Variants in BACH2 observed in about 807,000 individuals in gnomAD.
BACH2 encodes the protein transcription regulator protein BACH2.
In BACH2, 5 loss-of-function variants were observed where a neutral mutation model predicts 61.8. That is an observed-to-expected ratio of 0.08 (90% CI 0.04 to 0.17). The LOEUF (loss-of-function observed/expected upper bound fraction) is 0.17. Ranked by LOEUF, BACH2 falls within the 10% of genes least tolerant of loss-of-function variation. BACH2 has a pLI of 1.00. For missense variants in BACH2, 824 were observed against 1,091.1 expected (o/e 0.76, Z 3.45); for synonymous variants, 446 against 440.1 (o/e 1.01, Z -0.17).
intron 4 of BACH2, among the ~76,000 whole-genome samples, chr6:90,091,060 A>G (rs891352730): frequency 6.6e-6 from 1 of 152,158 alleles, no homozygotes; most frequent in African/African-American, 2.4e-5. Context: ...CAAGTTTGAA[A>G]GTATGTGCCC....
At chr6:90,060,428 C>A (rs933434426) in intron 5 of BACH2, among the ~76,000 whole-genome samples, 14 of 152,060 alleles carry the variant, frequency 9.2e-5, no homozygotes, top group African/African-American at 3.4e-4. Flanking sequence ...AAAAGCTTAT[C>A]CACTAAATTT....
chr6:89,970,134 G>A lies in BACH2; in HGVS notation c.244-18272C>T, dbSNP rs149565284. 2.9e-4 allele frequency among the ~76,000 whole-genome samples: 44 copies of A among 152,358 alleles called. No homozygotes were observed. The East Asian group carries it at 8.5e-3, about 29-fold the overall frequency. On this transcript the variant is annotated intron_variant, in intron 6 of 8. Coordinates refer to ENST00000257749, the MANE Select transcript of BACH2 (RefSeq NM_021813.4). Reference sequence around the variant, plus strand: ...AAGTGTCTAAAAGCAACTCCAACAGGAGAAAGAAGGTGGGCAGGGTCAGAG... The same window carrying A: ...AAGTGTCTAAAAGCAACTCCAACAGAAGAAAGAAGGTGGGCAGGGTCAGAG...
chr6:90,249,562 G>T (rs1770741131), intron 3 of BACH2, among the ~76,000 whole-genome samples: 1 of 152,120 alleles, frequency 6.6e-6, no homozygotes, highest in Non-Finnish European at 1.5e-5. Flanking sequence ...CTCGAGTCCA[G>T]GAGTTCGAGA....
chr6:90,107,136 G>T (rs1024692745), intron 4 of BACH2, among the ~76,000 whole-genome samples: 2 of 152,174 alleles, frequency 1.3e-5, no homozygotes, highest in African/African-American at 2.4e-5. Flanking sequence ...CACTTTGGGA[G>T]GCCGAGGCGG....
intron 4 of BACH2, among the ~76,000 whole-genome samples, chr6:90,113,985 T>C (rs1167405130): frequency 6.6e-6 from 1 of 152,134 alleles, no homozygotes; most frequent in Non-Finnish European, 1.5e-5. Context: ...ATTGATTCCC[T>C]GAACAGACCA....
At chr6:90,250,490 GTTCATTCATTCATTCA>G (rs369196000) in intron 3 of BACH2, among the ~76,000 whole-genome samples, 3 of 152,012 alleles carry the variant, frequency 2.0e-5, no homozygotes, top group Non-Finnish European at 2.9e-5. Flanking sequence ...AAGCCTCACT[GTTCATTCATTCATTCA>G]TTCATTCATT....
At chr6:90,207,682 A>AT (rs1467645369) in intron 3 of BACH2, among the ~76,000 whole-genome samples, 5 of 152,048 alleles carry the variant, frequency 3.3e-5, no homozygotes, top group Non-Finnish European at 5.9e-5. Context: ...AAAATATACT[A>AT]TTTTTAATTA....
intron 6 of BACH2, among the ~76,000 whole-genome samples, chr6:89,997,180 T>A (rs1776897243): frequency 6.6e-6 from 1 of 152,176 alleles, no homozygotes; most frequent in Admixed American, 6.5e-5. Context: ...GAATGAGACA[T>A]CTGGTCAACA....
chr6:89,939,832 T>A (rs1773307276), intron 7 of BACH2, among the ~76,000 whole-genome samples: 2 of 142,350 alleles, frequency 1.4e-5, no homozygotes, highest in African/African-American at 5.2e-5. Flanking sequence ...AATTTTTTTT[T>A]TTTTTTTTTT....
intron 1 of BACH2, among the ~76,000 whole-genome samples, chr6:90,292,421 C>A (rs1372663541): frequency 6.6e-6 from 1 of 152,186 alleles, no homozygotes; most frequent in African/African-American, 2.4e-5. Flanking sequence ...AGCCAAGTTA[C>A]CCCATCTGGT....
chr6:90,283,018 T>C (rs1158017400), intron 1 of BACH2, among the ~76,000 whole-genome samples: 1 of 152,248 alleles, frequency 6.6e-6, no homozygotes, highest in Non-Finnish European at 1.5e-5. Context: ...TTACATGGTA[T>C]TGTCAGGTTT....
At chr6:90,248,085 G>A (rs531394835) in intron 3 of BACH2, among the ~76,000 whole-genome samples, 5 of 152,066 alleles carry the variant, frequency 3.3e-5, no homozygotes, top group Non-Finnish European at 5.9e-5. Flanking sequence ...TCCTCATTGT[G>A]TCTCTTTGCT....
intron 2 of BACH2, among the ~76,000 whole-genome samples, chr6:90,258,965 C>T (rs1252226110): frequency 6.6e-6 from 1 of 152,200 alleles, no homozygotes; most frequent in Non-Finnish European, 1.5e-5. Flanking sequence ...TGTGTGGAAT[C>T]TGCAGGGGCT....
At chr6:89,983,222 T>C (rs765804615) in intron 6 of BACH2, among the ~76,000 whole-genome samples, 4 of 152,268 alleles carry the variant, frequency 2.6e-5, no homozygotes, top group Non-Finnish European at 4.4e-5. Flanking sequence ...TCCTTGCTTC[T>C]GTTTTATAGT....
At chr6:90,131,632 T>C (rs1390743178) in intron 4 of BACH2, among the ~76,000 whole-genome samples, 1 of 152,216 alleles carries the variant, frequency 6.6e-6, no homozygotes, top group Non-Finnish European at 1.5e-5. Context: ...GAGCTCACCC[T>C]TCAAATACCA....
chr6:90,217,245 A>T (rs929563746), intron 3 of BACH2, among the ~76,000 whole-genome samples: 4 of 152,206 alleles, frequency 2.6e-5, no homozygotes, highest in Non-Finnish European at 5.9e-5. Context: ...GTCTACTATC[A>T]AAATTCAGTG....
intron 3 of BACH2, among the ~76,000 whole-genome samples, chr6:90,239,159 T>C (rs1477467395): frequency 2.6e-5 from 4 of 152,196 alleles, no homozygotes; most frequent in Non-Finnish European, 5.9e-5. Context: ...CATATGTATG[T>C]GGTGTGCCAG....
chr6:90,236,255 CAG>C (rs1770256432), intron 3 of BACH2, among the ~76,000 whole-genome samples: 1 of 152,222 alleles, frequency 6.6e-6, no homozygotes, highest in African/African-American at 2.4e-5. Flanking sequence ...AAGCAATAAA[CAG>C]TGCTCAAAAT....
intron 3 of BACH2, among the ~76,000 whole-genome samples, chr6:90,247,944 T>C (rs182198345): frequency 6.6e-6 from 1 of 152,364 alleles, no homozygotes; most frequent in Non-Finnish European, 1.5e-5. Context: ...TGGAGATTAA[T>C]TTTACTCTCT....
Sources: allele counts gnomAD v4.1 joint callset (sites outside exome capture counted in the v4.1 genomes callset), GRCh38; gene constraint gnomAD v4.1.1; transcripts MANE v1.5; gene names NCBI Gene and HGNC (gene_info 2026-07-23, HGNC 2026-07-21).